ADAMTS2: variants seen among roughly 807,000 people sequenced by gnomAD.
The protein encoded by ADAMTS2 is ADAM metallopeptidase with thrombospondin type 1 motif 2, also known as A disintegrin and metalloproteinase with thrombospondin motifs 2.
Under a neutral mutation model 123.0 loss-of-function variants are expected in ADAMTS2, and 50 were observed. The ratio of observed to expected loss-of-function variants is 0.41; its 90% CI spans 0.32 to 0.51. The LOEUF (loss-of-function observed/expected upper bound fraction) is 0.51, where lower values mean the gene tolerates loss of function less well. Ranked by LOEUF, ADAMTS2 falls within the 20% of genes least tolerant of loss-of-function variation. The pLI is 0.35. For synonymous variants in ADAMTS2, 678 were observed against 695.4 expected, an observed-to-expected ratio of 0.98 and a Z score of 0.39; for missense variants, 1,494 against 1,705.2, an observed-to-expected ratio of 0.88 and a Z score of 2.18.
intron 10 of ADAMTS2, among the ~76,000 whole-genome samples, chr5:179,147,290 TG>T (rs1763267826): frequency 6.6e-6 from 1 of 152,192 alleles, no homozygotes; most frequent in Admixed American, 6.5e-5. Context: ...GGTTTCACCA[TG>T]TTGGCCAGGC....
At chr5:179,120,566 G>A (rs2288382) in intron 21 of ADAMTS2, 19,935 of 152,130 alleles carry the variant, frequency 0.13, 1,945 homozygotes, top group East Asian at 0.38. Flanking sequence ...GGTGTGAACA[G>A]AGGCGGTGGC....
chr5:179,288,772 A>C (rs1756101912), intron 2 of ADAMTS2, among the ~76,000 whole-genome samples: 1 of 152,140 alleles, frequency 6.6e-6, no homozygotes, highest in Admixed American at 6.5e-5. Context: ...ATTCGGGGAG[A>C]CTGAACTCAT....
chr5:179,175,187 C>T lies in ADAMTS2; in HGVS notation c.975+5885G>A, dbSNP rs184652985. ...CGCAGCTGTCTCAGCCATTCTTGAC[C>T]GTCCATGTTGCTTTGGAGGAAGTCT... On this transcript the variant is annotated intron_variant, in intron 5 of 21. Transcript: ENST00000251582. The surrounding 1 kb of genome is among the most constrained non-coding windows in gnomAD (Gnocchi z 4.1). Among the ~76,000 whole-genome samples the T allele has an allele frequency of 4.0e-3, 609 of 150,812 alleles. 6 individuals carry two copies. Among genetic ancestry groups the T allele is most frequent in the African/African-American group, 0.014 (575 of 40,876 alleles).
Position 179,167,029 on chromosome 5 carries a change from G to A in ADAMTS2, c.976-8150C>T, listed in dbSNP as rs924584441. On this transcript the variant is annotated intron_variant, in intron 5 of 21. Coordinates refer to ENST00000251582, the MANE Select transcript of ADAMTS2 (RefSeq NM_014244.5). ...GCGGGGACGTTCTCGGGAGGCCTGG[G>A]GAAGTGAGCCCAAAGGGCCGCCCCG... Among the ~76,000 whole-genome samples the A allele has an allele frequency of 2.6e-5, 4 of 152,356 alleles. No homozygotes were observed. The East Asian group carries it at 7.7e-4, about 29-fold the overall frequency.
intron 3 of ADAMTS2, among the ~76,000 whole-genome samples, chr5:179,232,773 C>T (rs542928543): frequency 7.1e-6 from 1 of 141,262 alleles, no homozygotes; most frequent in Admixed American, 7.0e-5. Context: ...ACTGCCAGCA[C>T]AATACCTTTT....
rs1487389871 is a variant in ADAMTS2, at chr5:179,228,431, T to C, written c.689-20716A>G. Among the ~76,000 whole-genome samples the C allele has an allele frequency of 2.6e-5, 4 of 152,292 alleles. No individual in the cohort carries two copies. The highest frequency in any genetic ancestry group is 2.1e-4 in the South Asian group (1 of 4,822). On this transcript the variant is annotated intron_variant, in intron 3 of 21. Transcript: ENST00000251582. This position sits in a 1 kb window ranked among gnomAD's most constrained non-coding sequence, Gnocchi z 5.2. ...GTCCTCTCCAGCCAGCAGGGCAGAA[T>C]TGGGGGTGGACTTGCCCCAGCCTGA...
intron 3 of ADAMTS2, among the ~76,000 whole-genome samples, chr5:179,233,321 G>A (rs557558143): frequency 6.6e-6 from 1 of 152,226 alleles, no homozygotes; most frequent in Non-Finnish European, 1.5e-5. Flanking sequence ...TGTATCTTGT[G>A]TGTATGTGTT....
chr5:179,201,425 G>T (rs113185143), intron 4 of ADAMTS2, among the ~76,000 whole-genome samples: 14 of 152,180 alleles, frequency 9.2e-5, no homozygotes, highest in African/African-American at 3.4e-4. Flanking sequence ...TTAAAACAAC[G>T]TAGTAGACAA....
chr5:179,217,597 C>A (rs895412597), intron 3 of ADAMTS2, among the ~76,000 whole-genome samples: 1 of 152,240 alleles, frequency 6.6e-6, no homozygotes, highest in African/African-American at 2.4e-5. Context: ...TAGCGAGGCA[C>A]CTTTTTATCA....
At chr5:179,160,470 A>C (rs1561783818) in intron 5 of ADAMTS2, among the ~76,000 whole-genome samples, 1 of 152,178 alleles carries the variant, frequency 6.6e-6, no homozygotes, top group Non-Finnish European at 1.5e-5. Context: ...CAAAACAAAC[A>C]ACAAAGGGTA....
At chr5:179,216,843 G>A (rs1032688470) in intron 3 of ADAMTS2, among the ~76,000 whole-genome samples, 10 of 152,236 alleles carry the variant, frequency 6.6e-5, no homozygotes, top group Non-Finnish European at 1.3e-4. Flanking sequence ...GGTAGCAAAC[G>A]GTGCTAGGAA....
rs1024724075 is a variant in ADAMTS2, at chr5:179,340,674, G to A, written c.534+3093C>T. ...TCAGTTTATTCATCTGTAGAAGGGG[G>A]ATGATGTCGGGATATGTTCCGTAGG... On this transcript the variant is annotated intron_variant, in intron 2 of 21. Coordinates refer to ENST00000251582, the MANE Select transcript of ADAMTS2 (RefSeq NM_014244.5). 2.0e-5 allele frequency among the ~76,000 whole-genome samples: 3 copies of A among 152,280 alleles called. No individual in the cohort carries two copies. In the East Asian group the frequency reaches 5.8e-4, roughly 29 times the overall value.
intron 2 of ADAMTS2, among the ~76,000 whole-genome samples, chr5:179,283,984 T>TATTA (rs1200076929): frequency 6.9e-6 from 1 of 144,166 alleles, no homozygotes; most frequent in Non-Finnish European, 1.5e-5. Flanking sequence ...TTATTATTAT[T>TATTA]ATTATTTTGG....
intron 2 of ADAMTS2, among the ~76,000 whole-genome samples, chr5:179,342,855 C>A (rs1046360011): frequency 1.3e-4 from 20 of 152,228 alleles, no homozygotes; most frequent in African/African-American, 4.3e-4. Flanking sequence ...CCTCTGAGGC[C>A]CCCTTGTGCT....
rs1762975712 is a variant in ADAMTS2, at chr5:179,132,169, C to T, written c.2290+61G>A. 6.5e-7 allele frequency: 1 copy of T among 1,530,880 alleles called. No individual in the cohort carries two copies. The highest frequency in any genetic ancestry group is 9.0e-7 in the Non-Finnish European group (1 of 1,108,238). The allele number at this position is 1,530,880 out of a possible 1,614,324, so 94.8% of individuals were successfully genotyped here. A position where few individuals can be genotyped will look rare whatever the true frequency, so the allele number is the denominator to read the frequency against. ...CTGACCCCTGACCCCTGGCACTCTG[C>T]CCATTGATCCCAGAGGAGCCAGGTC... is the stretch of plus-strand genomic sequence containing the variant. On this transcript the variant is annotated intron_variant, in intron 15 of 21. Transcript: ENST00000251582. This position sits in a 1 kb window ranked among gnomAD's most constrained non-coding sequence, Gnocchi z 6.1.
At chr5:179,163,588 T>C (rs1201414993) in intron 5 of ADAMTS2, among the ~76,000 whole-genome samples, 1 of 152,178 alleles carries the variant, frequency 6.6e-6, no homozygotes, top group Non-Finnish European at 1.5e-5. Context: ...AGCCCTGCAG[T>C]GGGCAGCCCC....
At chr5:179,245,815 G>A (rs1483029074) in intron 3 of ADAMTS2, among the ~76,000 whole-genome samples, 1 of 139,348 alleles carries the variant, frequency 7.2e-6, no homozygotes, top group African/African-American at 2.7e-5. Context: ...CAAAGATGGG[G>A]GTGGAAGAAT....
chr5:179,329,591 A>C (rs926458919), intron 2 of ADAMTS2, among the ~76,000 whole-genome samples: 1 of 152,182 alleles, frequency 6.6e-6, no homozygotes, highest in South Asian at 2.1e-4. Flanking sequence ...AAAGCAAAAC[A>C]TATAATGGAG....
At chr5:179,231,776 G>T (rs1426320147) in intron 3 of ADAMTS2, among the ~76,000 whole-genome samples, 1 of 151,930 alleles carries the variant, frequency 6.6e-6, no homozygotes, top group African/African-American at 2.4e-5. Flanking sequence ...GTCAGCAGAG[G>T]CAGTGGCTCA....
Sources: gnomAD v4.1 joint callset for allele counts (sites outside exome capture counted in the v4.1 genomes callset) on GRCh38, gnomAD v4.1.1 for gene constraint, Gnocchi (gnomAD v3.1) non-coding constraint, MANE v1.5 for transcripts, NCBI Gene and HGNC (gene_info 2026-07-23, HGNC 2026-07-21) for gene names.